Variants in IL1RL2 observed in about 807,000 individuals in gnomAD.
IL1RL2 encodes the protein interleukin 1 receptor like 2.
IL1RL2 carries 68 observed loss-of-function variants against 66.8 expected under a neutral mutation model. That is an observed-to-expected ratio of 1.02 (90% confidence interval 0.84 to 1.25). The LOEUF is 1.25. Ranked by LOEUF, IL1RL2 falls within the 50% of genes most tolerant of loss-of-function variation. The pLI is 0.00. For missense variants in IL1RL2, 729 were observed against 709.3 expected (o/e 1.03, Z -0.32); for synonymous variants, 305 against 264.6 (o/e 1.15, Z -1.48).
chr2:102,187,929 C>A lies in IL1RL2; in HGVS notation c.58+4C>A. The A allele has an allele frequency of 6.2e-7, 1 of 1,613,670 alleles. No homozygotes were observed. The highest frequency in any genetic ancestry group is 8.5e-7 in the Non-Finnish European group (1 of 1,179,634). ...CTTCCACTGTCTGTCACAGCAGGTACGTTCCGTGTGTCCTCCGTTCCCAGA... is the reference window on the plus strand; with the variant it reads ...CTTCCACTGTCTGTCACAGCAGGTAAGTTCCGTGTGTCCTCCGTTCCCAGA... On this transcript the variant is annotated splice_donor_region_variant and intron_variant, in intron 2 of 11. Transcript: ENST00000264257.
intron 6 of IL1RL2, among the ~76,000 whole-genome samples, chr2:102,214,424 A>G (rs1689431272): frequency 6.6e-6 from 1 of 152,202 alleles, no homozygotes; most frequent in Non-Finnish European, 1.5e-5. Flanking sequence ...ATCAGGGAAA[A>G]CAGCATTCAC....
chr2:102,195,463 C>T (rs1054062305), intron 4 of IL1RL2, among the ~76,000 whole-genome samples: 1 of 151,918 alleles, frequency 6.6e-6, no homozygotes, highest in African/African-American at 2.4e-5. Context: ...CTGTTCTTTT[C>T]ACGTTGCTTT....
At position 102,226,006 on chromosome 2, in the gene IL1RL2, A is replaced by G. The variant is rs760411077; in HGVS notation, c.1100A>G (p.Tyr367Cys). Residue 367 changes from tyrosine to cysteine, a missense_variant, in exon 9 of 12, where the codon TAT (tyrosine) becomes TGT (cysteine). Tyr to Cys is a radical substitution (Grantham distance 194). Coordinates refer to ENST00000264257, the MANE Select transcript of IL1RL2 (RefSeq NM_003854.4). ...TTTAAGATCGACATTGTTCTTTGGTATCGAAGTGCCTTCCATTCTACAGAG... is the reference window on the plus strand; with the variant it reads ...TTTAAGATCGACATTGTTCTTTGGTGTCGAAGTGCCTTCCATTCTACAGAG... The part of the protein sequence containing the change: ...NIFKIDIVLW[Y>C]RSAFHSTETI... 2.5e-5 allele frequency: 40 copies of G among 1,605,270 alleles called. No homozygotes were observed. Among genetic ancestry groups the G allele is most frequent in the Non-Finnish European group, 3.3e-5 (39 of 1,175,866 alleles).
chr2:102,188,921 C>T (rs1390391763), intron 2 of IL1RL2, among the ~76,000 whole-genome samples, 155 bp from the exon 3 acceptor site: 1 of 152,062 alleles, frequency 6.6e-6, no homozygotes, highest in African/African-American at 2.4e-5. Context: ...TTATAATCAG[C>T]AGGCTATTTT....
At chr2:102,189,866 A>C (rs2104703354) in intron 3 of IL1RL2, among the ~76,000 whole-genome samples, 1 of 152,278 alleles carries the variant, frequency 6.6e-6, no homozygotes, top group East Asian at 1.9e-4. Flanking sequence ...GTTAGCTAGG[A>C]TGATCTCGAG....
intron 5 of IL1RL2, among the ~76,000 whole-genome samples, chr2:102,211,670 G>T (rs1056542750): frequency 6.6e-6 from 1 of 152,104 alleles, no homozygotes; most frequent in Non-Finnish European, 1.5e-5. Context: ...ACAGATTAAT[G>T]GTTGCCATGG....
At chr2:102,213,374 C>A (rs1350223749) in intron 6 of IL1RL2, among the ~76,000 whole-genome samples, 1 of 152,070 alleles carries the variant, frequency 6.6e-6, no homozygotes, top group African/African-American at 2.4e-5. Context: ...TATATCTAAA[C>A]CAAAACAATA....
intron 3 of IL1RL2, among the ~76,000 whole-genome samples, chr2:102,190,383 G>GT (rs1325546353): frequency 3.9e-5 from 6 of 152,254 alleles, no homozygotes; most frequent in Admixed American, 3.9e-4. Flanking sequence ...CTGAGCCTTG[G>GT]TTTTTTTCTG....
At chr2:102,238,909 C>A (rs1675097781) in intron 11 of IL1RL2, among the ~76,000 whole-genome samples, 1 of 152,186 alleles carries the variant, frequency 6.6e-6, no homozygotes, top group Non-Finnish European at 1.5e-5. Context: ...TGGAGAGGAG[C>A]TCTCCACTTG....
rs757688285 is a variant in IL1RL2 at position 102,225,962 on chromosome 2, T to G, written c.1056T>G (p.Val352=). 2.5e-6 allele frequency: 4 copies of G among 1,611,722 alleles called. No individual in the cohort carries two copies. Among genetic ancestry groups the G allele is most frequent in the Non-Finnish European group, 2.5e-6 (3 of 1,178,860 alleles). The change falls in exon 9 of 12, where the codon GTT becomes GTG. Residue 352 remains valine (V), a synonymous_variant. Coordinates refer to ENST00000264257, the MANE Select transcript of IL1RL2 (RefSeq NM_003854.4). ...LIALVAVAVS[V]VYIYNIFKID... is the part of the protein sequence containing the mutation. Reference sequence around the variant, plus strand: ...CCTTGGTGGCTGTGGCTGTGTCTGTTGTGTACATATACAACATTTTTAAGA... The same window carrying G: ...CCTTGGTGGCTGTGGCTGTGTCTGTGGTGTACATATACAACATTTTTAAGA...
Position 102,189,132 on chromosome 2 carries a change from G to A in IL1RL2, c.115G>A (p.Ala39Thr), listed in dbSNP as rs1686996319. ...GATACTTTCAGCAAGCCAGCCTTTT[G>A]CTTTTAATTGTACATTCCCTCCCAT... is the stretch of plus-strand genomic sequence containing the variant. The part of the protein sequence containing the change: ...NEILSASQPF[A>T]FNCTFPPITS... Residue 39 changes from alanine to threonine, a missense_variant, in exon 3 of 12, where the codon GCT (alanine) becomes ACT (threonine). Coordinates refer to ENST00000264257, the MANE Select transcript of IL1RL2 (RefSeq NM_003854.4). 14 of 1,613,918 alleles carry A rather than the reference G, an allele frequency of 8.7e-6. No individual in the cohort carries two copies. Among genetic ancestry groups the A allele is most frequent in the African/African-American group, 1.3e-5 (1 of 74,898 alleles).
intron 10 of IL1RL2, 83 bp downstream of exon 10, chr2:102,233,207 A>G: frequency 7.6e-7 from 1 of 1,321,328 alleles, no homozygotes. Flanking sequence ...AATGGCGGTG[A>G]CTCTGCCTGC....
At position 102,235,569 on chromosome 2, in the gene IL1RL2, G is replaced by T. The variant is rs777026132; in HGVS notation, c.1678+292G>T. 27 of 985,442 alleles carry T rather than the reference G, an allele frequency of 2.7e-5. No individual in the cohort carries two copies. The Middle Eastern group carries it at 3.1e-3, about 115-fold the overall frequency. 61.0% of individuals were successfully genotyped at this position (985,442 alleles called of 1,614,324 possible). A position where few individuals can be genotyped will look rare whatever the true frequency, so the allele number is the denominator to read the frequency against. On this transcript the variant is annotated intron_variant, in intron 11 of 11. Coordinates refer to ENST00000264257, the MANE Select transcript of IL1RL2 (RefSeq NM_003854.4). ...TGGATACAGCACTTGGGCCCCTTGAGAACAGGACATGGAGGGTTTTAGAAA... is the reference window on the plus strand; with the variant it reads ...TGGATACAGCACTTGGGCCCCTTGATAACAGGACATGGAGGGTTTTAGAAA...
chr2:102,220,106 A>C, intron 8 of IL1RL2, 89 bp downstream of exon 8: 6 of 1,195,494 alleles, frequency 5.0e-6, no homozygotes, highest in Non-Finnish European at 5.8e-6. Context: ...CTAAATGCTC[A>C]GTGTGAGGCA....
downstream of IL1RL2, chr2:102,240,032 C>T (rs1675183646): frequency 6.6e-6 from 1 of 152,194 alleles, no homozygotes; most frequent in South Asian, 2.1e-4. Flanking sequence ...CCATGCCTGT[C>T]AAAATCACAA....
rs36052867 is a variant in IL1RL2 at position 102,213,685 on chromosome 2, T to C, written c.724+1511T>C. Among the ~76,000 whole-genome samples the C allele has an allele frequency of 6.2e-3, 940 of 152,296 alleles. 5 individuals are homozygous for C. Among genetic ancestry groups the C allele is most frequent in the Non-Finnish European group, 9.9e-3 (673 of 68,012 alleles). On this transcript the variant is annotated intron_variant, in intron 6 of 11. Coordinates refer to ENST00000264257, the MANE Select transcript of IL1RL2 (RefSeq NM_003854.4). ...ATATGACCAACTCTAAACAAGTTTA[T>C]ATCTTTAAATAACATTATTATTAGT...
At chr2:102,198,656 A>AC (rs1387059711) in intron 4 of IL1RL2, among the ~76,000 whole-genome samples, 1 of 151,544 alleles carries the variant, frequency 6.6e-6, no homozygotes, top group African/African-American at 2.4e-5. Context: ...TATCTTTTTT[A>AC]TTTTTATTTT....
At chr2:102,237,812 A>T (rs1412949369) in intron 11 of IL1RL2, among the ~76,000 whole-genome samples, 1 of 152,152 alleles carries the variant, frequency 6.6e-6, no homozygotes, top group Non-Finnish European at 1.5e-5. Context: ...ATAAGAAAGG[A>T]GGTTTAAGAG....
chr2:102,215,267 C>T (rs1459652675), intron 6 of IL1RL2, among the ~76,000 whole-genome samples: 2 of 152,162 alleles, frequency 1.3e-5, no homozygotes, highest in Admixed American at 1.3e-4. Flanking sequence ...TACATCATGC[C>T]ACTGTCTTGG....
Sources: gnomAD v4.1 joint callset for allele counts (sites outside exome capture counted in the v4.1 genomes callset) on GRCh38, gnomAD v4.1.1 for gene constraint, MANE v1.5 for transcripts, NCBI Gene and HGNC (gene_info 2026-07-23, HGNC 2026-07-21) for gene names.